The following PIERCE2 variants were observed in gnomAD, a reference collection of about 807,000 sequenced individuals.
The protein encoded by PIERCE2 is piercer of microtubule wall 2, also known as piercer of microtubule wall 2 protein.
the PIERCE2 span, among the ~76,000 whole-genome samples, chr15:55,415,754 C>G: frequency 6.6e-6 from 1 of 151,944 alleles, no homozygotes; most frequent in South Asian, 2.1e-4. Flanking sequence ...GGTCAGGGGT[C>G]GATCTTTAAC....
the PIERCE2 span, among the ~76,000 whole-genome samples, chr15:55,414,320 C>T: frequency 6.6e-6 from 1 of 151,220 alleles, no homozygotes; most frequent in Admixed American, 6.6e-5. Context: ...AGCAATTCCC[C>T]TGCCTCAGCC....
At chr15:55,418,575 A>G in the PIERCE2 span, 2 of 1,422,756 alleles carry the variant, frequency 1.4e-6, no homozygotes, top group African/African-American at 1.4e-5. Context: ...CTATGAAAAT[A>G]TATTCCTTTG....
the PIERCE2 span, among the ~76,000 whole-genome samples, chr15:55,411,603 T>C: frequency 3.9e-5 from 6 of 152,100 alleles, no homozygotes; most frequent in Non-Finnish European, 8.8e-5. Context: ...CTGGCCATCA[T>C]GGTGAAACCC....
chr15:55,415,054 A>T, the PIERCE2 span, among the ~76,000 whole-genome samples: 6 of 152,228 alleles, frequency 3.9e-5, no homozygotes, highest in Non-Finnish European at 8.8e-5. Context: ...TTTATCTTAC[A>T]TCAATGTAAG....
the PIERCE2 span, chr15:55,418,630 T>A: frequency 1.4e-5 from 16 of 1,162,120 alleles, no homozygotes; most frequent in Non-Finnish European, 1.9e-5. Context: ...GTGTTAAATC[T>A]AAGGGTAGAA....
chr15:55,411,001 G>A, the PIERCE2 span: 2 of 152,210 alleles, frequency 1.3e-5, no homozygotes, highest in Non-Finnish European at 2.9e-5. Flanking sequence ...GAATAACATT[G>A]ATGACACTCA....
chr15:55,409,276 G>A, the PIERCE2 span, among the ~76,000 whole-genome samples: 4 of 151,994 alleles, frequency 2.6e-5, no homozygotes, highest in Non-Finnish European at 5.9e-5. Flanking sequence ...GAGGTGGCGC[G>A]GGCCTGTAAT....
the PIERCE2 span, among the ~76,000 whole-genome samples, chr15:55,416,626 A>G: frequency 6.6e-6 from 1 of 151,966 alleles, no homozygotes; most frequent in East Asian, 1.9e-4. Flanking sequence ...CCAATCAATC[A>G]TGAGATCCTG....
At chr15:55,415,043 G>C in the PIERCE2 span, among the ~76,000 whole-genome samples, 6 of 152,148 alleles carry the variant, frequency 3.9e-5, no homozygotes, top group African/African-American at 1.4e-4. Context: ...CTGGGTGAAC[G>C]TTTATCTTAC....
chr15:55,413,902 G>A, the PIERCE2 span, among the ~76,000 whole-genome samples: 1 of 140,984 alleles, frequency 7.1e-6, no homozygotes, highest in Non-Finnish European at 1.6e-5. Flanking sequence ...ATAGAGAAAT[G>A]CTTTTTTTTT....
the PIERCE2 span, among the ~76,000 whole-genome samples, chr15:55,416,832 G>T: frequency 6.6e-6 from 1 of 152,074 alleles, no homozygotes; most frequent in African/African-American, 2.4e-5. Flanking sequence ...GTCGTGGTGA[G>T]CTCCCATAAT....
chr15:55,410,637 A>G, the PIERCE2 span: 27,039 of 152,268 alleles, frequency 0.18, 4,156 homozygotes, highest in African/African-American at 0.42. Flanking sequence ...CAACAAGAGC[A>G]AAACTCCATC....
chr15:55,409,920 A>G, the PIERCE2 span, among the ~76,000 whole-genome samples: 2 of 152,202 alleles, frequency 1.3e-5, no homozygotes, highest in Non-Finnish European at 2.9e-5. Context: ...TAACCTTTTT[A>G]TCATTTAATA....
At chr15:55,408,885 GA>G in the PIERCE2 span, 1 of 800,838 alleles carries the variant, frequency 1.2e-6, no homozygotes, top group Non-Finnish European at 2.0e-6. Flanking sequence ...CCACAACCCC[GA>G]AAAGCACTTT....
chr15:55,418,087 T>C, the PIERCE2 span: 2 of 1,577,988 alleles, frequency 1.3e-6, no homozygotes, highest in Non-Finnish European at 8.6e-7. Flanking sequence ...ATGGCTTAGC[T>C]TGGGCTCAGA....
At chr15:55,413,587 T>C in the PIERCE2 span, among the ~76,000 whole-genome samples, 176 of 151,918 alleles carry the variant, frequency 1.2e-3, 1 homozygote, top group Non-Finnish European at 2.1e-3. Context: ...GGAGAAACCC[T>C]GTCTCTACTA....
At chr15:55,415,574 T>TTACAA in the PIERCE2 span, among the ~76,000 whole-genome samples, 3 of 152,074 alleles carry the variant, frequency 2.0e-5, no homozygotes, top group Non-Finnish European at 4.4e-5. Context: ...TCTTAAGGGC[T>TTACAA]TACAACTCTA....
At chr15:55,411,503 T>A in the PIERCE2 span, among the ~76,000 whole-genome samples, 3 of 152,192 alleles carry the variant, frequency 2.0e-5, no homozygotes, top group Admixed American at 2.0e-4. Context: ...TGATTCCATT[T>A]GGCCAGGCGC....
At chr15:55,414,649 C>T in the PIERCE2 span, among the ~76,000 whole-genome samples, 2 of 151,748 alleles carry the variant, frequency 1.3e-5, no homozygotes, top group African/African-American at 2.4e-5. Context: ...GAGGTTGAGG[C>T]GGGTGGATCA....
Sources: gnomAD v4.1 joint callset for allele counts (sites outside exome capture counted in the v4.1 genomes callset) on GRCh38, gnomAD v4.1.1 for gene constraint, MANE v1.5 for transcripts, NCBI Gene and HGNC (gene_info 2026-07-23, HGNC 2026-07-21) for gene names.